The following CPT1A variants were observed in gnomAD, a reference collection of about 807,000 sequenced individuals.
CPT1A encodes the protein carnitine palmitoyltransferase 1A.
Under a neutral mutation model 100.8 loss-of-function variants are expected in CPT1A, and 64 were observed. That is an observed-to-expected ratio of 0.63 (90% CI 0.52 to 0.78). CPT1A has a LOEUF of 0.78. Among genes scored for constraint, CPT1A ranks in the 30% least tolerant of loss-of-function variants. The pLI, the probability that CPT1A is intolerant of heterozygous loss-of-function variation, is 0.00. For synonymous variants in CPT1A, 363 were observed against 396.0 expected (o/e 0.92, Z 0.99); for missense variants, 802 against 1,034.1 (o/e 0.78, Z 3.08).
At chr11:68,759,799 A>G in intron 17 of CPT1A, 138 bp from the exon 18 acceptor site, 1 of 725,608 alleles carries the variant, frequency 1.4e-6, no homozygotes, top group Non-Finnish European at 2.5e-6. Context: ...AGGCTGAGGC[A>G]GGCGGGTCAC....
intron 1 of CPT1A, among the ~76,000 whole-genome samples, chr11:68,823,583 G>A (rs1172577980): frequency 6.6e-6 from 1 of 151,946 alleles, no homozygotes; most frequent in Non-Finnish European, 1.5e-5. Flanking sequence ...GAGGTCAGGA[G>A]TTCGAGAACA....
intron 9 of CPT1A, among the ~76,000 whole-genome samples, chr11:68,791,377 T>C (rs1855607848): frequency 6.6e-6 from 1 of 152,098 alleles, no homozygotes; most frequent in African/African-American, 2.4e-5. Flanking sequence ...CAACTTCACT[T>C]TCCTCCACCT....
Position 68,793,365 on chromosome 11 carries a change from G to A in CPT1A, c.917C>T (p.Ala306Val), listed in dbSNP as rs766356226. Residue 306 changes from alanine to valine, a missense_variant, in exon 9 of 19, where the codon GCT becomes GTT. Around this residue, in one of 4 missense-constraint regions of CPT1A, gnomAD observed 627 missense variants for 799.3 expected, o/e 0.78. Transcript: ENST00000265641. ...LLGSTIPLCS[A>V]QWERMFNTSR... ...AGTATTAAACATCCGCTCCCACTGAGCGGAGCAGAGTGGAATCGTGGATCC... is the reference window on the plus strand; with the variant it reads ...AGTATTAAACATCCGCTCCCACTGAACGGAGCAGAGTGGAATCGTGGATCC... 2.5e-6 allele frequency: 4 copies of A among 1,612,146 alleles called. No homozygotes were observed. In the South Asian group the frequency reaches 3.3e-5, roughly 13 times the overall value.
chr11:68,774,781 C>CAAA (rs1169875761), intron 13 of CPT1A, among the ~76,000 whole-genome samples: 5 of 54,254 alleles, frequency 9.2e-5, no homozygotes, highest in African/African-American at 2.0e-4. Flanking sequence ...GACTACATCT[C>CAAA]AAAAAAAAAA....
At chr11:68,789,554 G>A (rs1174306540) in intron 9 of CPT1A, among the ~76,000 whole-genome samples, 4 of 151,982 alleles carry the variant, frequency 2.6e-5, no homozygotes, top group East Asian at 1.9e-4. Context: ...CTGCTATCAC[G>A]CCTGGTTAAT....
At chr11:68,817,091 T>C (rs1330199877) in intron 1 of CPT1A, among the ~76,000 whole-genome samples, 1 of 129,496 alleles carries the variant, frequency 7.7e-6, no homozygotes, top group Non-Finnish European at 1.7e-5. Flanking sequence ...TGTGTGGTTG[T>C]GTGTGTGTGG....
intron 1 of CPT1A, among the ~76,000 whole-genome samples, chr11:68,833,001 T>C (rs1329304123): frequency 6.6e-6 from 1 of 152,230 alleles, no homozygotes; most frequent in Non-Finnish European, 1.5e-5. Context: ...TCTCATCATC[T>C]ACAACACATT....
intron 14 of CPT1A, among the ~76,000 whole-genome samples, chr11:68,767,861 T>A (rs1201534744): frequency 6.6e-6 from 1 of 152,034 alleles, no homozygotes; most frequent in African/African-American, 2.4e-5. Context: ...ACCGCCCCTT[T>A]TCTCTTGCAT....
At chr11:68,835,062 G>A (rs1260980408) in intron 1 of CPT1A, among the ~76,000 whole-genome samples, 1 of 151,892 alleles carries the variant, frequency 6.6e-6, no homozygotes, top group Admixed American at 6.6e-5. Flanking sequence ...AATAAGTAAT[G>A]GTTAGATAAA....
intron 1 of CPT1A, among the ~76,000 whole-genome samples, chr11:68,831,562 G>A (rs1663216088): frequency 6.6e-6 from 1 of 152,094 alleles, no homozygotes; most frequent in Admixed American, 6.5e-5. Flanking sequence ...CTAATAGATA[G>A]GTGTGTGGGA....
intron 1 of CPT1A, among the ~76,000 whole-genome samples, chr11:68,831,169 T>C (rs1248915532): frequency 1.3e-5 from 2 of 152,190 alleles, no homozygotes; most frequent in Admixed American, 1.3e-4. Context: ...AACCAAAACC[T>C]TTCACCTCTT....
chr11:68,808,956 A>C (rs1038256876), intron 3 of CPT1A, among the ~76,000 whole-genome samples: 1 of 150,872 alleles, frequency 6.6e-6, no homozygotes, highest in Non-Finnish European at 1.5e-5. Flanking sequence ...AATAAAATTT[A>C]AAAAAGAAAA....
intron 5 of CPT1A, among the ~76,000 whole-genome samples, chr11:68,803,358 G>A (rs1445653226): frequency 1.3e-5 from 2 of 152,146 alleles, no homozygotes; most frequent in African/African-American, 2.4e-5. Context: ...TGGGGGGAGG[G>A]AAGAATGGGG....
At chr11:68,805,993 A>C (rs1236063151) in intron 4 of CPT1A, among the ~76,000 whole-genome samples, 2 of 150,208 alleles carry the variant, frequency 1.3e-5, no homozygotes, top group African/African-American at 4.9e-5. Flanking sequence ...TGGAGGGTTG[A>C]TTTTCAGAAA....
intron 14 of CPT1A, among the ~76,000 whole-genome samples, chr11:68,766,739 C>T (rs962342241): frequency 9.9e-5 from 15 of 151,702 alleles, no homozygotes; most frequent in Non-Finnish European, 1.6e-4. Flanking sequence ...CCATCCGCCT[C>T]GGCCTCCCAA....
chr11:68,756,383 T>A lies in CPT1A; in HGVS notation c.*1261A>T, dbSNP rs1304520738. 1 of 152,264 alleles carries A rather than the reference T, an allele frequency of 6.6e-6. No individual in the cohort carries two copies. The highest frequency in any genetic ancestry group is 1.5e-5 in the Non-Finnish European group (1 of 68,056). 9.4% of individuals were successfully genotyped at this position (152,264 alleles called of 1,614,324 possible). On this transcript the variant is annotated 3_prime_UTR_variant, in exon 19 of 19. Coordinates refer to ENST00000265641, the MANE Select transcript of CPT1A (RefSeq NM_001876.4). Reference sequence around the variant, plus strand: ...CAGTGCATAATTGCTTTGTGGTCCATGAGACGCTTTCGTGAAGGCACTCCT... The same window carrying A: ...CAGTGCATAATTGCTTTGTGGTCCAAGAGACGCTTTCGTGAAGGCACTCCT...
At chr11:68,818,448 C>T (rs997731094) in intron 1 of CPT1A, among the ~76,000 whole-genome samples, 6 of 152,286 alleles carry the variant, frequency 3.9e-5, no homozygotes, top group Admixed American at 2.0e-4. Flanking sequence ...ACGACACACC[C>T]GGGAGGTATC....
rs1854659204 is a variant in CPT1A, at chr11:68,762,616, T to A, written c.1875+11A>T. On this transcript the variant is annotated intron_variant, in intron 15 of 18. Coordinates refer to ENST00000265641, the MANE Select transcript of CPT1A (RefSeq NM_001876.4). The stretch of plus-strand genomic sequence containing the variant: ...CAAGCACGTTGTGTCCTCAGCCTGA[T>A]GGCACATTACCGTCTGGGCCGGGTC... 1 of 1,613,278 alleles carries A rather than the reference T, an allele frequency of 6.2e-7. No individual in the cohort carries two copies. Among genetic ancestry groups the A allele is most frequent in the Non-Finnish European group, 8.5e-7 (1 of 1,180,002 alleles).
chr11:68,827,988 C>G (rs577998571), intron 1 of CPT1A, among the ~76,000 whole-genome samples: 1 of 149,716 alleles, frequency 6.7e-6, no homozygotes, highest in African/African-American at 2.4e-5. Flanking sequence ...TTCACTGTTG[C>G]AAACAAAGAA....
Sources: gnomAD v4.1 joint callset for allele counts (sites outside exome capture counted in the v4.1 genomes callset) on GRCh38, gnomAD v4.1.1 for gene constraint, gnomAD v4.1.1 regional missense constraint, MANE v1.5 for transcripts, NCBI Gene and HGNC (gene_info 2026-07-23, HGNC 2026-07-21) for gene names.